Variants in EPS15L1 observed in about 807,000 individuals in gnomAD.
The protein encoded by EPS15L1 is epidermal growth factor receptor substrate 15-like 1.
EPS15L1 carries 43 observed loss-of-function variants against 117.1 expected under a neutral mutation model. That is an observed-to-expected ratio of 0.37 (90% confidence interval 0.29 to 0.47). EPS15L1 has a LOEUF of 0.47. Among genes scored for constraint, EPS15L1 ranks in the 20% least tolerant of loss-of-function variants. EPS15L1 has a pLI of 0.99. For synonymous variants in EPS15L1, 459 were observed against 470.5 expected, an observed-to-expected ratio of 0.98 and a Z score of 0.32; for missense variants, 981 against 1,164.0, an observed-to-expected ratio of 0.84 and a Z score of 2.29.
At chr19:16,411,512 G>A (rs535416038) in intron 13 of EPS15L1, among the ~76,000 whole-genome samples, 70 of 152,310 alleles carry the variant, frequency 4.6e-4, no homozygotes, top group Admixed American at 3.8e-3. Flanking sequence ...TAGAGTGATG[G>A]TTAATCAACA....
chr19:16,356,721 A>G (rs1443312625), intron 23 of EPS15L1: 13 of 152,306 alleles, frequency 8.5e-5, no homozygotes, highest in Admixed American at 7.8e-4. Flanking sequence ...TAAAATAAAA[A>G]CTTAAAAAAG....
chr19:16,379,123 G>A (rs756804168), intron 21 of EPS15L1, among the ~76,000 whole-genome samples: 6 of 152,052 alleles, frequency 3.9e-5, no homozygotes, highest in Non-Finnish European at 7.4e-5. Flanking sequence ...CTAATACGGT[G>A]AAAAACCCCA....
At chr19:16,398,954 C>A (rs946746858) in intron 16 of EPS15L1, among the ~76,000 whole-genome samples, 1 of 152,164 alleles carries the variant, frequency 6.6e-6, no homozygotes, top group African/African-American at 2.4e-5. Flanking sequence ...CGCCACCATG[C>A]CTGGCTCTAT....
chr19:16,378,969 C>G (rs1178955075), intron 21 of EPS15L1, among the ~76,000 whole-genome samples: 1 of 152,138 alleles, frequency 6.6e-6, no homozygotes, highest in Non-Finnish European at 1.5e-5. Flanking sequence ...AACACTGCGA[C>G]AGGAAACAAA....
chr19:16,422,789 T>C (rs1454194042), intron 9 of EPS15L1, among the ~76,000 whole-genome samples: 1 of 152,076 alleles, frequency 6.6e-6, no homozygotes, highest in Non-Finnish European at 1.5e-5. Flanking sequence ...AAACCCCCTC[T>C]CTACTAAAAA....
At chr19:16,385,631 G>C (rs2092412427) in intron 20 of EPS15L1, among the ~76,000 whole-genome samples, 1 of 152,186 alleles carries the variant, frequency 6.6e-6, no homozygotes, top group South Asian at 2.1e-4. Context: ...TTTGCCTAGA[G>C]TACTGGATAC....
intron 1 of EPS15L1, among the ~76,000 whole-genome samples, chr19:16,463,240 A>G (rs1462389020): frequency 6.6e-6 from 1 of 152,142 alleles, no homozygotes; most frequent in Non-Finnish European, 1.5e-5. Flanking sequence ...GGCTCTGCCC[A>G]CCAGGCACTC....
intron 8 of EPS15L1, 66 bp downstream of exon 8, chr19:16,428,636 C>A (rs961307909): frequency 1.7e-6 from 2 of 1,152,730 alleles, no homozygotes; most frequent in East Asian, 2.5e-5. Flanking sequence ...ACAAACGAAT[C>A]CAGCAACCCC....
rs1742305225 is a variant in EPS15L1 at position 16,403,771 on chromosome 19, T to C, written c.1588A>G (p.Ile530Val). 3 of 1,613,812 alleles carry C rather than the reference T, an allele frequency of 1.9e-6. No homozygotes were observed. The highest frequency in any genetic ancestry group is 2.5e-6 in the Non-Finnish European group (3 of 1,180,030). Residue 530 changes from isoleucine to valine, a missense_variant, in exon 15 of 24, where the codon ATC becomes GTC. By Grantham distance (29) the Ile-to-Val change is conservative. Transcript: ENST00000455140. The part of the protein sequence containing the change: ...QAGRVQLETI[I>V]KSLKSTQDEI... ...TCTTGCGTTGACTTCAGGGACTTGA[T>C]GATGGTTTCCAGCTGGACTCGCCCA...
In EPS15L1 at chr19:16,361,888, T is replaced by G; in HGVS notation, c.2477A>C (p.Gln826Pro). The G allele has an allele frequency of 6.2e-7, 1 of 1,614,058 alleles. No homozygotes were observed. Among genetic ancestry groups the G allele is most frequent in the Non-Finnish European group, 8.5e-7 (1 of 1,179,982 alleles). Residue 826 changes from glutamine to proline, a missense_variant, in exon 23 of 24, where the codon CAA (glutamine) becomes CCA (proline). Gln to Pro is a moderately conservative substitution (Grantham distance 76, BLOSUM62 -1). Transcript: ENST00000455140. ...PLGADSGDPF[Q>P]SKKGFGDPFS... ...CGGGTCCCCAAACCCCTTTTTACTT[T>G]GGAACGGGTCGCCGCTGTCAGCCCC...
chr19:16,400,358 A>AC (rs1045185340), intron 16 of EPS15L1, among the ~76,000 whole-genome samples: 8 of 146,856 alleles, frequency 5.4e-5, no homozygotes, highest in African/African-American at 1.7e-4. Flanking sequence ...AACAAAAACA[A>AC]AAAAAAAAAA....
At chr19:16,428,654 T>C (rs1201591712) in intron 8 of EPS15L1, 48 bp downstream of exon 8, 1 of 1,495,848 alleles carries the variant, frequency 6.7e-7, no homozygotes, top group South Asian at 1.2e-5. Flanking sequence ...CCCTGCGCAC[T>C]GCACATTTCC....
chr19:16,364,990 C>T (rs1378898971), intron 22 of EPS15L1, among the ~76,000 whole-genome samples: 1 of 152,244 alleles, frequency 6.6e-6, no homozygotes, highest in East Asian at 1.9e-4. Context: ...CAGTCTTGTC[C>T]AGGTGGCACC....
intron 22 of EPS15L1, among the ~76,000 whole-genome samples, chr19:16,369,675 A>AGTGTGTG (rs1220296158): frequency 1.4e-5 from 1 of 72,608 alleles, no homozygotes; most frequent in African/African-American, 7.0e-5. Context: ...GAAGAAAAAA[A>AGTGTGTG]AGTGTGTGTG....
rs373363629 is a variant in EPS15L1 at position 16,455,927 on chromosome 19, G to A, written c.34-13708C>T. Among the ~76,000 whole-genome samples, 67 of 152,264 alleles carry A rather than the reference G, an allele frequency of 4.4e-4. 2 individuals are homozygous for A. In the South Asian group the frequency reaches 0.013, roughly 30 times the overall value. On this transcript the variant is annotated intron_variant, in intron 1 of 23. Coordinates refer to ENST00000455140, the MANE Select transcript of EPS15L1 (RefSeq NM_001258374.3). ...GCATAAAACCTCCTGAAAGCCAGGC[G>A]CAGTGGATCACACCTATAATTCCAG...
intron 23 of EPS15L1, chr19:16,356,607 G>C (rs2091983821): frequency 6.6e-6 from 1 of 152,160 alleles, no homozygotes; most frequent in East Asian, 1.9e-4. Context: ...ACCGCACCCG[G>C]CTCTGAGGGT....
intron 16 of EPS15L1, among the ~76,000 whole-genome samples, chr19:16,399,715 G>T (rs1431249412): frequency 6.8e-6 from 1 of 147,396 alleles, no homozygotes; most frequent in Non-Finnish European, 1.5e-5. Context: ...GAGTCTCGCT[G>T]TGTCACCCAG....
chr19:16,413,821 G>A lies in EPS15L1; in HGVS notation c.1218C>T (p.Asp406=), dbSNP rs776974140. 1.2e-6 allele frequency: 2 copies of A among 1,613,632 alleles called. No homozygotes were observed. Among genetic ancestry groups the A allele is most frequent in the Admixed American group, 3.3e-5 (2 of 60,026 alleles). Residue 406 remains aspartate (D), a synonymous_variant, in exon 13 of 24, where the codon GAC becomes GAT. Coordinates refer to ENST00000455140, the MANE Select transcript of EPS15L1 (RefSeq NM_001258374.3). The part of the protein sequence containing the change: ...LQREKYSLEQ[D]IREKEEAIRQ... ...TGATTGCCTCTTCCTTTTCTCGAAT[G>A]TCTTGTTCCAGTGAATATTTCTCTC...
At chr19:16,463,714 T>C (rs1473135251) in intron 1 of EPS15L1, among the ~76,000 whole-genome samples, 1 of 152,072 alleles carries the variant, frequency 6.6e-6, no homozygotes. Flanking sequence ...AGACAGACCA[T>C]CAATCAACCC....
Sources: allele counts gnomAD v4.1 joint callset (sites outside exome capture counted in the v4.1 genomes callset), GRCh38; gene constraint gnomAD v4.1.1; transcripts MANE v1.5; gene names NCBI Gene and HGNC (gene_info 2026-07-23, HGNC 2026-07-21).